Variants in COL21A1 observed in about 807,000 individuals in gnomAD.
The protein encoded by COL21A1 is collagen type XXI alpha 1 chain.
COL21A1 carries 149 observed loss-of-function variants against 137.9 expected under a neutral mutation model. That is an observed-to-expected ratio of 1.08 (90% CI 0.95 to 1.24). The LOEUF is 1.24. Among genes scored for constraint, COL21A1 ranks in the 50% most tolerant of loss-of-function variants. The pLI is 0.00. For synonymous variants in COL21A1, 456 were observed against 391.5 expected (o/e 1.16, Z -1.95); for missense variants, 1,167 against 1,158.4 (o/e 1.01, Z -0.11).
intron 12 of COL21A1, among the ~76,000 whole-genome samples, chr6:56,130,134 C>A (rs1453171279): frequency 1.4e-5 from 2 of 143,366 alleles, no homozygotes; most frequent in Non-Finnish European, 3.0e-5. Flanking sequence ...AGCAGGGGTT[C>A]TGCCTCCCTG....
At chr6:56,207,977 CAACAG>C (rs1440049366) in intron 1 of COL21A1, among the ~76,000 whole-genome samples, 12 of 152,208 alleles carry the variant, frequency 7.9e-5, no homozygotes, top group African/African-American at 2.6e-4. Context: ...CGACAAAATT[CAACAG>C]CCCTTCATGC....
At chr6:56,062,954 T>C (rs1450175670) in intron 24 of COL21A1, among the ~76,000 whole-genome samples, 1 of 152,140 alleles carries the variant, frequency 6.6e-6, no homozygotes, top group East Asian at 1.9e-4. Flanking sequence ...TTTGACTCCA[T>C]TCACAAAACG....
chr6:56,203,516 C>A (rs532574035), intron 1 of COL21A1, among the ~76,000 whole-genome samples: 6 of 152,246 alleles, frequency 3.9e-5, no homozygotes, highest in African/African-American at 1.4e-4. Flanking sequence ...ATAGCAGATT[C>A]CAGATCTGGG....
intron 17 of COL21A1, among the ~76,000 whole-genome samples, chr6:56,079,229 T>C (rs1362782698): frequency 1.3e-5 from 2 of 151,680 alleles, no homozygotes; most frequent in South Asian, 2.1e-4. Context: ...AAGGTGGCTA[T>C]ACATTGTTCT....
intron 1 of COL21A1, among the ~76,000 whole-genome samples, chr6:56,201,941 T>C (rs1053273656): frequency 3.3e-5 from 5 of 152,146 alleles, no homozygotes; most frequent in Non-Finnish European, 7.4e-5. Flanking sequence ...ATGTTTACTC[T>C]TCCCTCAGTT....
At chr6:56,189,951 C>A (rs946471210) in intron 1 of COL21A1, among the ~76,000 whole-genome samples, 10 of 152,138 alleles carry the variant, frequency 6.6e-5, no homozygotes, top group Non-Finnish European at 1.3e-4. Flanking sequence ...GTCTGCCTTA[C>A]AAGAGCTCCT....
intron 1 of COL21A1, among the ~76,000 whole-genome samples, chr6:56,277,748 A>G (rs186990541): frequency 5.4e-4 from 83 of 152,344 alleles, no homozygotes; most frequent in African/African-American, 1.9e-3. Context: ...TGAAATTTGC[A>G]AATACTAAAT....
In COL21A1 at chr6:56,061,679, T is replaced by C. The variant is rs1368459244; in HGVS notation, c.2175A>G (p.Gly725=). ...CTTTTGCACCATGATGGCCTTGAAT[T>C]CCCTTTGAAAATTAATAGAAAAAAT... ...NGRQGIPGQQ[G]IQGHHGAKGE... is the part of the protein sequence containing the mutation. The change falls in exon 25 of 30, where the codon GGA becomes GGG. Residue 725 remains glycine (G), a splice_region_variant and synonymous_variant. Transcript: ENST00000244728. The C allele has an allele frequency of 6.3e-7, 1 of 1,578,848 alleles. No homozygotes were observed.
At chr6:56,137,769 T>C (rs1185517436) in intron 12 of COL21A1, among the ~76,000 whole-genome samples, 1 of 152,050 alleles carries the variant, frequency 6.6e-6, no homozygotes, top group South Asian at 2.1e-4. Flanking sequence ...AGGAATAACA[T>C]CCAATAAATA....
chr6:56,309,482 A>T (rs1186977310), intron 1 of COL21A1, among the ~76,000 whole-genome samples: 1 of 152,174 alleles, frequency 6.6e-6, no homozygotes, highest in Non-Finnish European at 1.5e-5. Context: ...CATTTTTCAG[A>T]CAACCCCAGA....
Position 56,213,375 on chromosome 6 carries a change from C to T in COL21A1, c.-38-30719G>A, listed in dbSNP as rs191113080. 4.6e-5 allele frequency among the ~76,000 whole-genome samples: 7 copies of T among 152,048 alleles called. No homozygotes were observed. The East Asian group carries it at 9.7e-4, about 21-fold the overall frequency. ...CTGAACTCCTCAGAGCCAATAATAC[C>T]TCCTAGCTCACTAATTGCTTTGTGT... On this transcript the variant is annotated intron_variant, in intron 1 of 29. Coordinates refer to ENST00000244728, the MANE Select transcript of COL21A1 (RefSeq NM_030820.4).
At chr6:56,372,570 T>C (rs1472175783) in intron 1 of COL21A1, among the ~76,000 whole-genome samples, 1 of 152,226 alleles carries the variant, frequency 6.6e-6, no homozygotes, top group African/African-American at 2.4e-5. Context: ...ATTTCTTGTT[T>C]ACAAGTGACA....
chr6:56,378,756 C>T (rs2094003993), intron 1 of COL21A1, among the ~76,000 whole-genome samples: 1 of 152,198 alleles, frequency 6.6e-6, no homozygotes, highest in Admixed American at 6.5e-5. Flanking sequence ...AGAGTGGTTA[C>T]AGGGGGCCTT....
At chr6:56,098,608 T>A (rs1317340817) in intron 17 of COL21A1, among the ~76,000 whole-genome samples, 1 of 10,178 alleles carries the variant, frequency 9.8e-5, no homozygotes, top group Non-Finnish European at 1.9e-4. Flanking sequence ...TATATATAAA[T>A]ATATATAAAT....
At chr6:56,103,407 A>C (rs561254441) in intron 16 of COL21A1, among the ~76,000 whole-genome samples, 4 of 152,362 alleles carry the variant, frequency 2.6e-5, no homozygotes, top group African/African-American at 9.6e-5. Context: ...AGGGTAAGGC[A>C]CTTGCCAAAT....
At chr6:56,335,717 C>T (rs1331187273) in intron 1 of COL21A1, among the ~76,000 whole-genome samples, 1 of 152,226 alleles carries the variant, frequency 6.6e-6, no homozygotes, top group Admixed American at 6.5e-5. Context: ...AATTCCCTTG[C>T]TATAGCAACT....
intron 1 of COL21A1, among the ~76,000 whole-genome samples, chr6:56,264,118 A>G (rs576977172): frequency 3.3e-5 from 5 of 152,332 alleles, no homozygotes; most frequent in Admixed American, 1.3e-4. Flanking sequence ...TTTATGATGA[A>G]TGAAGTCTCC....
intron 1 of COL21A1, among the ~76,000 whole-genome samples, chr6:56,238,218 T>C (rs377314601): frequency 4.6e-5 from 7 of 152,106 alleles, no homozygotes; most frequent in South Asian, 4.2e-4. Flanking sequence ...AAGGGGAAAC[T>C]GACTAACAAA....
chr6:56,092,838 A>G (rs1313452151), intron 17 of COL21A1, among the ~76,000 whole-genome samples: 1 of 152,176 alleles, frequency 6.6e-6, no homozygotes, highest in Non-Finnish European at 1.5e-5. Flanking sequence ...TTATTCCCTC[A>G]CAGTTCTGGA....
Sources: gnomAD v4.1 joint callset for allele counts (sites outside exome capture counted in the v4.1 genomes callset) on GRCh38, gnomAD v4.1.1 for gene constraint, MANE v1.5 for transcripts, NCBI Gene and HGNC (gene_info 2026-07-23, HGNC 2026-07-21) for gene names.